ERCC6L2: variants seen among roughly 807,000 people sequenced by gnomAD.
The protein encoded by ERCC6L2 is DNA excision repair protein ERCC-6-like 2.
In ERCC6L2, 77 loss-of-function variants were observed where a neutral mutation model predicts 132.0. The observed-to-expected ratio is 0.58, with a 90% CI of 0.49 to 0.71. ERCC6L2 has a LOEUF of 0.71. Among genes scored for constraint, ERCC6L2 ranks in the 30% least tolerant of loss-of-function variants. The pLI is 0.00. For missense variants in ERCC6L2, 1,542 were observed against 1,837.6 expected, an observed-to-expected ratio of 0.84 and a Z score of 2.94; for synonymous variants, 583 against 632.4, an observed-to-expected ratio of 0.92 and a Z score of 1.17.
In ERCC6L2 at chr9:95,923,389, C is replaced by T. The variant is rs761786230; in HGVS notation, c.1533+10C>T. 2 of 1,612,354 alleles carry T rather than the reference C, an allele frequency of 1.2e-6. No homozygotes were observed. Among genetic ancestry groups the T allele is most frequent in the South Asian group, 2.2e-5 (2 of 90,862 alleles). On this transcript the variant is annotated intron_variant, in intron 9 of 18. Coordinates refer to ENST00000653738, the MANE Select transcript of ERCC6L2 (RefSeq NM_020207.7). ...CAGTGGAAAAATGAAGGTAAGTGCT[C>T]CTCTTTCAGGTTGCATACAGACATG...
chr9:96,015,190 AT>A lies in ERCC6L2; in HGVS notation c.*2002del, dbSNP rs749397792. On this transcript the variant is annotated 3_prime_UTR_variant, in exon 19 of 19. Transcript: ENST00000653738. Reference sequence around the variant, plus strand: ...TGTGTACCACCACACTCAGCTAAACATTTTTTTTTTTTTTTGAGACGGAGTC... The same window carrying A: ...TGTGTACCACCACACTCAGCTAAACATTTTTTTTTTTTTTGAGACGGAGTC... Among the ~76,000 whole-genome samples, 582 of 118,742 alleles carry A rather than the reference AT, an allele frequency of 4.9e-3. No homozygotes were observed. The highest frequency in any genetic ancestry group is 6.4e-3 in the East Asian group (26 of 4,050). 77.9% of individuals were successfully genotyped at this position (118,742 alleles called of 152,430 possible).
At chr9:95,968,751 A>G (rs1460097750) in intron 14 of ERCC6L2, 2 of 152,184 alleles carry the variant, frequency 1.3e-5, no homozygotes, top group African/African-American at 4.8e-5. Flanking sequence ...TCATTTTACA[A>G]GTATTTGTTG....
chr9:95,895,106 T>C (rs1292034298), intron 2 of ERCC6L2, among the ~76,000 whole-genome samples: 5 of 152,230 alleles, frequency 3.3e-5, no homozygotes, highest in South Asian at 2.1e-4. Flanking sequence ...TTTATTTCAA[T>C]AAATTTTTCT....
At chr9:95,895,804 G>A (rs1828426940) in intron 2 of ERCC6L2, among the ~76,000 whole-genome samples, 1 of 147,676 alleles carries the variant, frequency 6.8e-6, no homozygotes. Flanking sequence ...TCGGCTCACT[G>A]CAAACTCCCT....
chr9:95,998,097 C>T (rs1833533197), intron 17 of ERCC6L2, among the ~76,000 whole-genome samples: 1 of 152,072 alleles, frequency 6.6e-6, no homozygotes, highest in African/African-American at 2.4e-5. Flanking sequence ...CCATATACAC[C>T]TTTTCTGGCC....
rs746049395 is a variant in ERCC6L2, at chr9:95,897,870, G to A, written c.493G>A (p.Val165Ile). ...TVQVISFLAA[V>I]LHKKGTREDI... ...CCAGGTTATTTCATTTCTGGCTGCA[G>A]TTTTGCATAAAAAGGGAACTCGTGA... Residue 165 changes from valine (V) to isoleucine (I), a missense_variant, in exon 3 of 19, where the codon GTT becomes ATT. This residue lies in a region of ERCC6L2 where 945 missense variants were observed against 1,105.2 expected (regional missense o/e 0.86). Transcript: ENST00000653738. 1.2e-6 allele frequency: 2 copies of A among 1,612,848 alleles called. No individual in the cohort carries two copies. The highest frequency in any genetic ancestry group is 3.3e-5 in the Admixed American group (2 of 59,810).
At chr9:95,930,797 A>G (rs1241284929) in intron 11 of ERCC6L2, among the ~76,000 whole-genome samples, 1 of 152,148 alleles carries the variant, frequency 6.6e-6, no homozygotes, top group Non-Finnish European at 1.5e-5. Flanking sequence ...TGTTTGGTCC[A>G]TTAACTTTCC....
intron 17 of ERCC6L2, among the ~76,000 whole-genome samples, chr9:95,986,697 A>G (rs1274568091): frequency 6.6e-6 from 1 of 151,948 alleles, no homozygotes; most frequent in African/African-American, 2.4e-5. Flanking sequence ...GGGTTTTGCC[A>G]TGTTGCTGAG....
chr9:95,892,447 G>T (rs1483376604), intron 2 of ERCC6L2, among the ~76,000 whole-genome samples: 7 of 144,978 alleles, frequency 4.8e-5, no homozygotes, highest in Non-Finnish European at 9.0e-5. Flanking sequence ...TTTTTTTGAG[G>T]CAAGGTCCTG....
intron 12 of ERCC6L2, among the ~76,000 whole-genome samples, chr9:95,952,833 G>A (rs796775696): frequency 6.4e-5 from 9 of 141,372 alleles, no homozygotes; most frequent in Non-Finnish European, 9.4e-5. Flanking sequence ...GAGTGACTCC[G>A]TCTCAATAAA....
At chr9:96,008,583 T>G (rs915346374) in intron 18 of ERCC6L2, among the ~76,000 whole-genome samples, 22 of 152,220 alleles carry the variant, frequency 1.4e-4, no homozygotes, top group African/African-American at 4.3e-4. Context: ...TGTCACAACC[T>G]GCACCAGGGA....
intron 6 of ERCC6L2, among the ~76,000 whole-genome samples, chr9:95,920,832 AG>A (rs1397722528): frequency 1.3e-5 from 2 of 152,214 alleles, no homozygotes; most frequent in African/African-American, 2.4e-5. Flanking sequence ...GCTGTAGTGC[AG>A]TGGCGTGATC....
At chr9:96,026,638 CACAA>C (rs1834368972) in intron 19 of ERCC6L2, among the ~76,000 whole-genome samples, 1 of 144,036 alleles carries the variant, frequency 6.9e-6, no homozygotes, top group African/African-American at 2.5e-5. Context: ...ACACCACACA[CACAA>C]ACACACCACA....
intron 9 of ERCC6L2, among the ~76,000 whole-genome samples, chr9:95,927,691 T>G (rs1464848403): frequency 6.6e-6 from 1 of 152,184 alleles, no homozygotes. Context: ...TAGGGACAAT[T>G]TAAATACTTC....
intron 3 of ERCC6L2, chr9:95,906,733 C>A: frequency 2.2e-6 from 1 of 463,378 alleles, no homozygotes; most frequent in Non-Finnish European, 4.3e-6. Context: ...CCCACTTGGC[C>A]TTTGAAGCTA....
At chr9:95,984,405 A>G (rs1022164710) in intron 17 of ERCC6L2, among the ~76,000 whole-genome samples, 1 of 151,258 alleles carries the variant, frequency 6.6e-6, no homozygotes, top group Non-Finnish European at 1.5e-5. Flanking sequence ...CTTTTTTTCT[A>G]CCTGGAATAA....
At chr9:95,989,425 T>G (rs1266293994) in intron 17 of ERCC6L2, among the ~76,000 whole-genome samples, 1 of 152,244 alleles carries the variant, frequency 6.6e-6, no homozygotes, top group Non-Finnish European at 1.5e-5. Flanking sequence ...TTTTAGGGGT[T>G]GTATGCCAGG....
At chr9:95,990,077 A>G (rs572263804) in intron 17 of ERCC6L2, among the ~76,000 whole-genome samples, 29 of 152,218 alleles carry the variant, frequency 1.9e-4, no homozygotes, top group Non-Finnish European at 3.4e-4. Context: ...TTAGGGCAAT[A>G]ATCAATAAAT....
intron 4 of ERCC6L2, among the ~76,000 whole-genome samples, chr9:95,907,863 A>ACACACACACACACACACACC (rs1259450173): frequency 6.0e-5 from 9 of 150,132 alleles, no homozygotes; most frequent in East Asian, 2.0e-4. Context: ...ACACCCCCAC[A>ACACACACACACACACACACC]CCCACACACC....
Sources: allele counts gnomAD v4.1 joint callset (sites outside exome capture counted in the v4.1 genomes callset), GRCh38; gene constraint gnomAD v4.1.1; regional missense constraint gnomAD v4.1.1; transcripts MANE v1.5; gene names NCBI Gene and HGNC (gene_info 2026-07-23, HGNC 2026-07-21).